Variants in CSMD1 observed in about 807,000 individuals in gnomAD.
CSMD1 encodes the protein CUB and sushi domain-containing protein 1.
Under a neutral mutation model 417.5 loss-of-function variants are expected in CSMD1, and 213 were observed. The ratio of observed to expected loss-of-function variants is 0.51; its 90% CI spans 0.46 to 0.57. The LOEUF is 0.57. Ranked by LOEUF, CSMD1 falls within the 20% of genes least tolerant of loss-of-function variation. CSMD1 has a pLI of 0.00. For missense variants in CSMD1, 6,923 were observed against 4,529.7 expected, an observed-to-expected ratio of 1.53 and a Z score of -15.17; for synonymous variants, 2,862 against 1,736.8, an observed-to-expected ratio of 1.65 and a Z score of -16.11.
intron 27 of CSMD1, 36 bp from the exon 28 acceptor site, chr8:3,223,903 G>C (rs778382248): frequency 1.2e-6 from 2 of 1,608,386 alleles, no homozygotes; most frequent in Admixed American, 3.4e-5. Flanking sequence ...AAAAAGTAAG[G>C]ACAGCGAAGA....
chr8:3,977,907 A>G (rs1228095489), intron 5 of CSMD1, among the ~76,000 whole-genome samples: 3 of 152,184 alleles, frequency 2.0e-5, no homozygotes, highest in Admixed American at 2.0e-4. Context: ...ACTGACCTCC[A>G]ATTTCATGTC....
At position 3,384,211 on chromosome 8, in the gene CSMD1, AT is replaced by A. The variant is rs576039383; in HGVS notation, c.2782+3282del. ...ATAAATATGTAGACATCTTTAAAAA[AT>A]GGTTGTCTGAGAGATAGTCTAAATT... is the stretch of plus-strand genomic sequence containing the variant. On this transcript the variant is annotated intron_variant, in intron 18 of 69. Transcript: ENST00000635120. Among the ~76,000 whole-genome samples, 89 of 152,282 alleles carry A rather than the reference AT, an allele frequency of 5.8e-4. No homozygotes were observed. The South Asian group carries it at 0.012, about 21-fold the overall frequency.
At chr8:3,759,533 G>A (rs1028686937) in intron 5 of CSMD1, among the ~76,000 whole-genome samples, 4 of 152,030 alleles carry the variant, frequency 2.6e-5, no homozygotes, top group Non-Finnish European at 5.9e-5. Context: ...GAAAATGAAA[G>A]AGATTATGGG....
intron 2 of CSMD1, among the ~76,000 whole-genome samples, chr8:4,451,998 A>G (rs905309259): frequency 6.0e-5 from 9 of 150,268 alleles, no homozygotes; most frequent in African/African-American, 9.7e-5. Flanking sequence ...TGATATATAT[A>G]TAATGAAATA....
At chr8:4,233,469 T>G (rs1188955361) in intron 3 of CSMD1, among the ~76,000 whole-genome samples, 1 of 152,196 alleles carries the variant, frequency 6.6e-6, no homozygotes, top group Non-Finnish European at 1.5e-5. Flanking sequence ...TTGGAAATGC[T>G]TTGATTAGGA....
chr8:3,630,440 T>G (rs940728944), intron 7 of CSMD1, among the ~76,000 whole-genome samples: 1 of 152,128 alleles, frequency 6.6e-6, no homozygotes, highest in Non-Finnish European at 1.5e-5. Flanking sequence ...CCACTGAAAC[T>G]TGAGAACAAG....
At chr8:4,260,124 A>G (rs2128840211) in intron 3 of CSMD1, among the ~76,000 whole-genome samples, 1 of 152,280 alleles carries the variant, frequency 6.6e-6, no homozygotes, top group South Asian at 2.1e-4. Flanking sequence ...CAAATTGCTA[A>G]GTCAATGCAC....
At chr8:4,056,566 G>C (rs906707348) in intron 3 of CSMD1, among the ~76,000 whole-genome samples, 28 of 151,754 alleles carry the variant, frequency 1.8e-4, no homozygotes, top group African/African-American at 6.3e-4. Flanking sequence ...TTAAGTTTTA[G>C]GGTACATGTG....
At chr8:3,832,458 G>C (rs1232073986) in intron 5 of CSMD1, among the ~76,000 whole-genome samples, 3 of 152,094 alleles carry the variant, frequency 2.0e-5, no homozygotes, top group Non-Finnish European at 2.9e-5. Context: ...TGTAAGATAA[G>C]ATTTTTTGTT....
chr8:4,354,171 C>T (rs944873734), intron 3 of CSMD1, among the ~76,000 whole-genome samples: 1 of 152,052 alleles, frequency 6.6e-6, no homozygotes, highest in African/African-American at 2.4e-5. Flanking sequence ...TAGCATATTC[C>T]CAAACAACAT....
At chr8:3,041,646 A>G (rs989319304) in intron 50 of CSMD1, among the ~76,000 whole-genome samples, 1 of 152,260 alleles carries the variant, frequency 6.6e-6, no homozygotes, top group Non-Finnish European at 1.5e-5. Flanking sequence ...TCATACATAG[A>G]TAGAAATGTG....
intron 18 of CSMD1, among the ~76,000 whole-genome samples, chr8:3,379,855 A>G (rs1275728917): frequency 6.6e-6 from 1 of 152,232 alleles, no homozygotes; most frequent in African/African-American, 2.4e-5. Flanking sequence ...CTTCATGACT[A>G]AAACACCAAA....
intron 3 of CSMD1, among the ~76,000 whole-genome samples, chr8:4,310,670 T>C (rs982832106): frequency 1.3e-5 from 2 of 151,416 alleles, no homozygotes; most frequent in Non-Finnish European, 2.9e-5. Flanking sequence ...AATTTAGGGG[T>C]GGCAAAACAA....
chr8:3,941,322 G>T (rs1237896542), intron 5 of CSMD1, among the ~76,000 whole-genome samples: 1 of 152,008 alleles, frequency 6.6e-6, no homozygotes, highest in Non-Finnish European at 1.5e-5. Flanking sequence ...AACATCCTAT[G>T]CCATTTACAA....
intron 49 of CSMD1, among the ~76,000 whole-genome samples, chr8:3,055,136 C>T (rs2219569): frequency 0.75 from 114,651 of 152,108 alleles, 43,583 homozygotes; most frequent in East Asian, 0.8. Context: ...TTCTATCGGA[C>T]GAAATGGGAA....
chr8:3,959,376 G>C (rs1375957524), intron 5 of CSMD1, among the ~76,000 whole-genome samples: 3 of 152,204 alleles, frequency 2.0e-5, no homozygotes, highest in Non-Finnish European at 4.4e-5. Context: ...GCGCCAGCCT[G>C]TAGTACCAGC....
At chr8:4,533,945 T>C (rs988406979) in intron 2 of CSMD1, among the ~76,000 whole-genome samples, 2 of 148,830 alleles carry the variant, frequency 1.3e-5, no homozygotes, top group East Asian at 1.9e-4. Context: ...ATAATATACA[T>C]ATTTATATAT....
chr8:3,951,004 G>C (rs1250231100), intron 5 of CSMD1, among the ~76,000 whole-genome samples: 5 of 152,134 alleles, frequency 3.3e-5, no homozygotes, highest in Non-Finnish European at 7.4e-5. Context: ...ATTCAACTGA[G>C]CCCCGTTTCT....
At chr8:4,845,676 T>A (rs73659210) in intron 1 of CSMD1, among the ~76,000 whole-genome samples, 12,959 of 152,196 alleles carry the variant, frequency 0.085, 834 homozygotes, top group African/African-American at 0.18. Flanking sequence ...AGATGTGTAA[T>A]ATTTTGACAA....
Sources: gnomAD v4.1 joint callset for allele counts (sites outside exome capture counted in the v4.1 genomes callset) on GRCh38, gnomAD v4.1.1 for gene constraint, MANE v1.5 for transcripts, NCBI Gene and HGNC (gene_info 2026-07-23, HGNC 2026-07-21) for gene names.